Variants in TSNAX observed in about 807,000 individuals in gnomAD.
TSNAX encodes translin-associated protein X.
TSNAX carries 12 observed loss-of-function variants against 33.0 expected under a neutral mutation model. That is an observed-to-expected ratio of 0.36 (90% confidence interval 0.23 to 0.59). TSNAX has a LOEUF of 0.59. Among genes scored for constraint, TSNAX ranks in the 20% least tolerant of loss-of-function variants. The pLI, the probability that TSNAX is intolerant of heterozygous loss-of-function variation, is 0.74. For synonymous variants in TSNAX, 110 were observed against 117.2 expected (o/e 0.94, Z 0.40); for missense variants, 267 against 341.3 (o/e 0.78, Z 1.72).
intron 4 of TSNAX, among the ~76,000 whole-genome samples, chr1:231,546,853 G>C (rs1659950210): frequency 6.6e-6 from 1 of 152,108 alleles, no homozygotes; most frequent in Non-Finnish European, 1.5e-5. Flanking sequence ...CATCAACATA[G>C]AGCTGACAGA....
intron 2 of TSNAX, chr1:231,534,938 G>C (rs950021441): frequency 2.6e-5 from 4 of 152,214 alleles, no homozygotes; most frequent in Non-Finnish European, 4.4e-5. Context: ...TGGAGAGTAA[G>C]GGAGGAGGGA....
intron 5 of TSNAX, among the ~76,000 whole-genome samples, chr1:231,562,562 C>G (rs1447459843): frequency 6.6e-6 from 1 of 152,028 alleles, no homozygotes; most frequent in Non-Finnish European, 1.5e-5. Context: ...AGGGAAGTTA[C>G]CACACTTTCC....
chr1:231,562,879 C>A (rs1309755719), intron 5 of TSNAX, among the ~76,000 whole-genome samples: 1 of 152,086 alleles, frequency 6.6e-6, no homozygotes, highest in Non-Finnish European at 1.5e-5. Context: ...TTCAAACATG[C>A]AGAAAAATAG....
At chr1:231,564,482 T>G (rs1661303772) in intron 5 of TSNAX, 46 bp from the exon 6 acceptor site, 1 of 1,345,492 alleles carries the variant, frequency 7.4e-7, no homozygotes, top group Non-Finnish European at 9.9e-7. Flanking sequence ...TGTTCTTTCT[T>G]GTGTGTGTGT....
chr1:231,548,823 GT>G (rs1660111033), intron 4 of TSNAX, among the ~76,000 whole-genome samples: 1 of 152,206 alleles, frequency 6.6e-6, no homozygotes, highest in Admixed American at 6.5e-5. Context: ...ATAAATTGTA[GT>G]TAATTTTAAA....
chr1:231,528,988 C>A (rs1416867821), intron 1 of TSNAX, among the ~76,000 whole-genome samples, 162 bp downstream of exon 1: 1 of 152,220 alleles, frequency 6.6e-6, no homozygotes, highest in African/African-American at 2.4e-5. Flanking sequence ...GCCCTGTTTA[C>A]ACCTCCTTTT....
intron 3 of TSNAX, among the ~76,000 whole-genome samples, chr1:231,540,944 T>A (rs1049897167): frequency 6.6e-6 from 1 of 152,244 alleles, no homozygotes; most frequent in Non-Finnish European, 1.5e-5. Context: ...GTTTGATTGT[T>A]ATTAGAACGT....
At chr1:231,540,793 A>G (rs1659527304) in intron 3 of TSNAX, among the ~76,000 whole-genome samples, 1 of 152,182 alleles carries the variant, frequency 6.6e-6, no homozygotes, top group Admixed American at 6.5e-5. Context: ...TTTTTCTTCA[A>G]GTATCTTGAA....
chr1:231,530,896 GAA>G (rs1658658447), intron 2 of TSNAX, among the ~76,000 whole-genome samples: 3 of 151,070 alleles, frequency 2.0e-5, no homozygotes, highest in East Asian at 2.0e-4. Context: ...TCAAAAAAAA[GAA>G]AAGGTGGAGT....
Position 231,530,630 on chromosome 1 carries a change from G to A in TSNAX, c.121+1271G>A. Reference sequence around the variant, plus strand: ...GGAGGCTGAGGCAGGAGAATGGCGTGAACCCAGGAGGCGGAGCTTGCAGTG... The same window carrying A: ...GGAGGCTGAGGCAGGAGAATGGCGTAAACCCAGGAGGCGGAGCTTGCAGTG... On this transcript the variant is annotated intron_variant, in intron 2 of 5. Coordinates refer to ENST00000366639, the MANE Select transcript of TSNAX (RefSeq NM_005999.3). 1.4e-5 allele frequency among the ~76,000 whole-genome samples: 2 copies of A among 144,814 alleles called. 1 individual carries two copies. The highest frequency in any genetic ancestry group is 3.1e-5 in the Non-Finnish European group (2 of 64,152).
At chr1:231,562,762 C>T (rs911976614) in intron 5 of TSNAX, among the ~76,000 whole-genome samples, 1 of 152,128 alleles carries the variant, frequency 6.6e-6, no homozygotes, top group Admixed American at 6.5e-5. Context: ...ATGCTTGGTG[C>T]TGAAATTTCT....
intron 4 of TSNAX, among the ~76,000 whole-genome samples, chr1:231,557,645 A>G (rs1225027895): frequency 2.0e-5 from 3 of 152,108 alleles, no homozygotes; most frequent in Non-Finnish European, 4.4e-5. Flanking sequence ...AGTGTGTTTC[A>G]GTATTTCTGT....
chr1:231,548,898 A>C lies in TSNAX; in HGVS notation c.367+6287A>C, dbSNP rs1030118539. Among the ~76,000 whole-genome samples the C allele has an allele frequency of 3.9e-5, 6 of 152,348 alleles. No individual in the cohort carries two copies. In the South Asian group the frequency reaches 1.0e-3, roughly 26 times the overall value. On this transcript the variant is annotated intron_variant, in intron 4 of 5. Coordinates refer to ENST00000366639, the MANE Select transcript of TSNAX (RefSeq NM_005999.3). ...AATAAAACCAAAGGCTGGGAACCTTAACTAAAGGAAATACAATATAATATT... is the reference window on the plus strand; with the variant it reads ...AATAAAACCAAAGGCTGGGAACCTTCACTAAAGGAAATACAATATAATATT...
At chr1:231,529,189 T>C (rs1658480362) in intron 1 of TSNAX, 66 bp from the exon 2 acceptor site, 1 of 1,525,104 alleles carries the variant, frequency 6.6e-7, no homozygotes, top group Non-Finnish European at 9.0e-7. Flanking sequence ...AGTAGGTTTG[T>C]CTATGTTGTG....
rs1423011843 is a variant in TSNAX, at chr1:231,565,386, C to G, written c.*481C>G. The G allele has an allele frequency of 6.5e-6, 1 of 153,268 alleles. No individual in the cohort carries two copies. Among genetic ancestry groups the G allele is most frequent in the Admixed American group, 6.5e-5 (1 of 15,388 alleles). The allele number at this position is 153,268 out of a possible 1,614,324, so 9.5% of individuals were successfully genotyped here. Reference sequence around the variant, plus strand: ...CCAAGCCTCAAAAATAGGCTTATTCCATGGAACAAGAATTAAAAATGAATA... The same window carrying G: ...CCAAGCCTCAAAAATAGGCTTATTCGATGGAACAAGAATTAAAAATGAATA... On this transcript the variant is annotated 3_prime_UTR_variant, in exon 6 of 6. Transcript: ENST00000366639.
chr1:231,540,463 G>A (rs1028569392), intron 3 of TSNAX, among the ~76,000 whole-genome samples: 1 of 152,084 alleles, frequency 6.6e-6, no homozygotes, highest in Non-Finnish European at 1.5e-5. Flanking sequence ...TTTTCCAGAC[G>A]ACTTTCTGAT....
At chr1:231,560,795 G>A (rs1349713343) in intron 4 of TSNAX, among the ~76,000 whole-genome samples, 1 of 151,856 alleles carries the variant, frequency 6.6e-6, no homozygotes, top group African/African-American at 2.4e-5. Context: ...GTGGCCCAGA[G>A]ATTACAGGCG....
At chr1:231,549,081 C>CA (rs1405806058) in intron 4 of TSNAX, among the ~76,000 whole-genome samples, 1 of 152,212 alleles carries the variant, frequency 6.6e-6, no homozygotes, top group Non-Finnish European at 1.5e-5. Context: ...CTTGCTCAGT[C>CA]ACTTCCATTT....
chr1:231,538,068 T>G (rs1208532685), intron 3 of TSNAX, among the ~76,000 whole-genome samples: 8 of 152,222 alleles, frequency 5.3e-5, no homozygotes, highest in African/African-American at 1.9e-4. Context: ...TGTTTTCTTA[T>G]TTTACATTTT....
Sources: allele counts gnomAD v4.1 joint callset (sites outside exome capture counted in the v4.1 genomes callset), GRCh38; gene constraint gnomAD v4.1.1; transcripts MANE v1.5; gene names NCBI Gene and HGNC (gene_info 2026-07-23, HGNC 2026-07-21).